Variants in UBE3D observed in about 807,000 individuals in gnomAD.
The protein encoded by UBE3D is ubiquitin protein ligase E3D.
Under a neutral mutation model 49.6 loss-of-function variants are expected in UBE3D, and 48 were observed. That is an observed-to-expected ratio of 0.97 (90% confidence interval 0.77 to 1.23). The LOEUF is 1.23. Ranked by LOEUF, UBE3D falls within the 50% of genes most tolerant of loss-of-function variation. The pLI is 0.00. For synonymous variants in UBE3D, 189 were observed against 174.2 expected (o/e 1.08, Z -0.67); for missense variants, 452 against 468.4 (o/e 0.96, Z 0.32).
At chr6:83,011,669 G>A (rs1218373034) in intron 8 of UBE3D, among the ~76,000 whole-genome samples, 1 of 152,142 alleles carries the variant, frequency 6.6e-6, no homozygotes, top group Admixed American at 6.5e-5. Context: ...TTAAAGGTAG[G>A]AGGAGTCCAA....
chr6:82,983,382 T>C (rs1156243634), intron 8 of UBE3D, among the ~76,000 whole-genome samples: 2 of 150,450 alleles, frequency 1.3e-5, no homozygotes, highest in Non-Finnish European at 3.0e-5. Context: ...GCTCTTGTAA[T>C]ACTACATGCT....
chr6:82,894,416 T>C (rs1254918991), intron 9 of UBE3D, among the ~76,000 whole-genome samples: 1 of 152,122 alleles, frequency 6.6e-6, no homozygotes, highest in East Asian at 1.9e-4. Context: ...TAGGAACATC[T>C]TATCAATATC....
chr6:83,016,152 T>G (rs1406703509), intron 8 of UBE3D, among the ~76,000 whole-genome samples: 1 of 152,202 alleles, frequency 6.6e-6, no homozygotes, highest in Non-Finnish European at 1.5e-5. Context: ...AGATTCTCAC[T>G]CAAGGCCATC....
At chr6:82,904,744 G>C (rs936985623) in intron 9 of UBE3D, among the ~76,000 whole-genome samples, 8 of 152,144 alleles carry the variant, frequency 5.3e-5, no homozygotes, top group African/African-American at 1.9e-4. Flanking sequence ...ATGACTAATT[G>C]TGTATATAAA....
intron 9 of UBE3D, chr6:82,924,749 A>G (rs1364341928): frequency 1.3e-5 from 2 of 152,182 alleles, no homozygotes; most frequent in African/African-American, 2.4e-5. Flanking sequence ...TTATTCAAAA[A>G]TATTTTGAAG....
chr6:83,028,330 G>A (rs1001273649), intron 5 of UBE3D, among the ~76,000 whole-genome samples: 3 of 152,108 alleles, frequency 2.0e-5, no homozygotes, highest in African/African-American at 4.8e-5. Context: ...AATTATTTGT[G>A]AGAATGAGTT....
At chr6:82,967,241 A>AT (rs1428403604) in intron 8 of UBE3D, among the ~76,000 whole-genome samples, 1 of 152,220 alleles carries the variant, frequency 6.6e-6, no homozygotes, top group Non-Finnish European at 1.5e-5. Context: ...CCCTAATGGT[A>AT]ACATTCTGGA....
chr6:82,887,359 C>A, the UBE3D span, among the ~76,000 whole-genome samples: 2 of 124,138 alleles, frequency 1.6e-5, no homozygotes, highest in Non-Finnish European at 3.4e-5. Context: ...AAAAAACAAA[C>A]AAACCCTGTA....
chr6:82,943,608 C>A (rs995569283), intron 9 of UBE3D, among the ~76,000 whole-genome samples: 2 of 152,128 alleles, frequency 1.3e-5, no homozygotes, highest in Admixed American at 1.3e-4. Flanking sequence ...TACACTACAA[C>A]CTGGATGACA....
intron 9 of UBE3D, among the ~76,000 whole-genome samples, chr6:82,955,388 T>A (rs1776090577): frequency 6.6e-6 from 1 of 152,230 alleles, no homozygotes; most frequent in Admixed American, 6.5e-5. Context: ...TCAGAGTCAT[T>A]TCTCTTGCTG....
At chr6:82,912,248 T>C (rs1772579644) in intron 9 of UBE3D, among the ~76,000 whole-genome samples, 1 of 152,174 alleles carries the variant, frequency 6.6e-6, no homozygotes, top group East Asian at 1.9e-4. Context: ...GTTCACTTTA[T>C]CATTTTTACT....
intron 1 of UBE3D, among the ~76,000 whole-genome samples, chr6:83,058,241 T>A (rs923394695): frequency 2.0e-5 from 3 of 152,120 alleles, no homozygotes; most frequent in African/African-American, 7.2e-5. Flanking sequence ...AATATGCAAG[T>A]CCTGGGACAG....
chr6:82,949,447 G>A (rs1775632255), intron 9 of UBE3D, among the ~76,000 whole-genome samples: 1 of 151,748 alleles, frequency 6.6e-6, no homozygotes, highest in African/African-American at 2.4e-5. Context: ...AATACTCAAA[G>A]CAATCTACAG....
At chr6:83,050,993 A>G (rs376490842) in intron 3 of UBE3D, among the ~76,000 whole-genome samples, 20 of 152,352 alleles carry the variant, frequency 1.3e-4, no homozygotes, top group African/African-American at 4.3e-4. Flanking sequence ...CCTGCAGAGT[A>G]TGTGAATCAC....
chr6:82,895,630 C>A (rs966128711), intron 9 of UBE3D, among the ~76,000 whole-genome samples: 1 of 152,108 alleles, frequency 6.6e-6, no homozygotes, highest in African/African-American at 2.4e-5. Context: ...TTTTTTTCAT[C>A]CACAGCACAG....
At chr6:82,939,286 G>A (rs1198427930) in intron 9 of UBE3D, among the ~76,000 whole-genome samples, 2 of 152,152 alleles carry the variant, frequency 1.3e-5, no homozygotes, top group Admixed American at 1.3e-4. Flanking sequence ...ATTGGGCTAG[G>A]TAGCCATTGG....
intron 8 of UBE3D, among the ~76,000 whole-genome samples, chr6:82,991,930 C>T (rs567740781): frequency 5.9e-5 from 9 of 152,190 alleles, no homozygotes; most frequent in African/African-American, 2.2e-4. Flanking sequence ...ATGTACAAGT[C>T]ACATTGGCAT....
At chr6:82,959,541 G>A (rs1052699565) in intron 8 of UBE3D, among the ~76,000 whole-genome samples, 4 of 151,624 alleles carry the variant, frequency 2.6e-5, no homozygotes, top group African/African-American at 4.8e-5. Flanking sequence ...TATTTGCAGC[G>A]TCATAATAAG....
At chr6:82,990,434 C>A (rs976332151) in intron 8 of UBE3D, among the ~76,000 whole-genome samples, 4 of 152,116 alleles carry the variant, frequency 2.6e-5, no homozygotes, top group Non-Finnish European at 5.9e-5. Flanking sequence ...TGCACCAGCA[C>A]ACCCAGCTAC....
Sources: gnomAD v4.1 joint callset for allele counts (sites outside exome capture counted in the v4.1 genomes callset) on GRCh38, gnomAD v4.1.1 for gene constraint, MANE v1.5 for transcripts, NCBI Gene and HGNC (gene_info 2026-07-23, HGNC 2026-07-21) for gene names.